KCNIP1: variants seen among roughly 807,000 people sequenced by gnomAD.
KCNIP1 encodes the protein potassium voltage-gated channel interacting protein 1.
In KCNIP1, 18 loss-of-function variants were observed where a neutral mutation model predicts 33.0. The observed-to-expected ratio is 0.55, with a 90% CI of 0.38 to 0.81. KCNIP1 has a LOEUF of 0.81. Ranked by LOEUF, KCNIP1 falls within the 30% of genes least tolerant of loss-of-function variation. KCNIP1 has a pLI of 0.00. For missense variants in KCNIP1, 238 were observed against 271.6 expected (o/e 0.88, Z 0.87); for synonymous variants, 93 against 98.3 (o/e 0.95, Z 0.32).
chr5:170,591,194 C>T, intron 1 of KCNIP1, among the ~76,000 whole-genome samples: 1 of 152,236 alleles, frequency 6.6e-6, no homozygotes, highest in East Asian at 1.9e-4. Context: ...TCCAGGCTCA[C>T]TTCCTGCTTC....
At chr5:170,400,484 T>C (rs968268406) in intron 1 of KCNIP1, among the ~76,000 whole-genome samples, 5 of 152,128 alleles carry the variant, frequency 3.3e-5, no homozygotes. Context: ...GGTCCCTCCC[T>C]CAACACCTGG....
At chr5:170,429,271 ACCCCT>A (rs1462937937) in intron 1 of KCNIP1, among the ~76,000 whole-genome samples, 1 of 151,894 alleles carries the variant, frequency 6.6e-6, no homozygotes, top group Non-Finnish European at 1.5e-5. Context: ...TCTCTGCTAA[ACCCCT>A]CACTGAGTCC....
intron 1 of KCNIP1, among the ~76,000 whole-genome samples, chr5:170,390,516 AAATATATAT>A (rs1561601413): frequency 1.3e-4 from 5 of 39,168 alleles, no homozygotes; most frequent in Non-Finnish European, 2.8e-4. Context: ...AAAAAAAAAC[AAATATATAT>A]ATATATATAT....
At chr5:170,649,365 T>G (rs1244017888) in intron 1 of KCNIP1, among the ~76,000 whole-genome samples, 2 of 152,198 alleles carry the variant, frequency 1.3e-5, no homozygotes, top group Non-Finnish European at 2.9e-5. Context: ...CCTCTCTTCT[T>G]AAGAATATTT....
intron 1 of KCNIP1, among the ~76,000 whole-genome samples, chr5:170,695,560 A>G (rs1428546287): frequency 6.6e-6 from 1 of 152,232 alleles, no homozygotes; most frequent in Non-Finnish European, 1.5e-5. Context: ...TGATTCATTC[A>G]CATTGCTGTG....
At chr5:170,684,776 C>T (rs1762482278) in intron 1 of KCNIP1, among the ~76,000 whole-genome samples, 1 of 152,106 alleles carries the variant, frequency 6.6e-6, no homozygotes, top group Non-Finnish European at 1.5e-5. Context: ...CCACAAACCT[C>T]TCTCTCTTTT....
In KCNIP1 at chr5:170,490,802, G is replaced by A. The variant is rs1302488195; in HGVS notation, c.88+136838G>A. On this transcript the variant is annotated intron_variant, in intron 1 of 7. Coordinates refer to the KCNIP1 transcript ENST00000377360. ...TCCAACCTCTCCCCAAGCTCCCTAG[G>A]CCCAGCCCCATCCCCTTCTCTCTGC... Among the ~76,000 whole-genome samples the A allele has an allele frequency of 2.0e-5, 3 of 152,048 alleles. No homozygotes were observed. The South Asian group carries it at 6.2e-4, about 32-fold the overall frequency.
At chr5:170,725,630 T>C (rs1763981344) in intron 5 of KCNIP1, among the ~76,000 whole-genome samples, 1 of 152,146 alleles carries the variant, frequency 6.6e-6, no homozygotes. Flanking sequence ...CTGTAGTCAA[T>C]AATTTAATTG....
intron 1 of KCNIP1, among the ~76,000 whole-genome samples, chr5:170,671,671 A>C (rs1479829409): frequency 6.6e-6 from 1 of 152,226 alleles, no homozygotes. Flanking sequence ...TAATCATTGT[A>C]TCCCTAGTGC....
chr5:170,359,489 G>C (rs1042184559), intron 1 of KCNIP1, among the ~76,000 whole-genome samples: 1 of 152,148 alleles, frequency 6.6e-6, no homozygotes, highest in Non-Finnish European at 1.5e-5. Context: ...CACCATCCGA[G>C]TCCTGGCTCG....
intron 1 of KCNIP1, among the ~76,000 whole-genome samples, chr5:170,598,907 G>GTGTA (rs1375527950): frequency 7.3e-6 from 1 of 137,404 alleles, no homozygotes; most frequent in African/African-American, 2.6e-5. Context: ...GTGTGCGCGT[G>GTGTA]TGTGTGTGTG....
At chr5:170,365,411 A>T (rs889479346) in intron 1 of KCNIP1, among the ~76,000 whole-genome samples, 4 of 152,204 alleles carry the variant, frequency 2.6e-5, no homozygotes, top group Non-Finnish European at 1.5e-5. Context: ...GTTAATTAAG[A>T]TAGTCATCTG....
chr5:170,411,385 C>A (rs888087925), intron 1 of KCNIP1, among the ~76,000 whole-genome samples: 1 of 152,174 alleles, frequency 6.6e-6, no homozygotes, highest in Non-Finnish European at 1.5e-5. Context: ...CTTCAAAGAC[C>A]AAGTTCTCAT....
At chr5:170,535,891 A>C (rs982380811) in intron 1 of KCNIP1, among the ~76,000 whole-genome samples, 5 of 152,238 alleles carry the variant, frequency 3.3e-5, no homozygotes, top group Non-Finnish European at 5.9e-5. Flanking sequence ...TGTCTCAGCC[A>C]GAACATCAAG....
chr5:170,593,735 C>T (rs1581373306), intron 1 of KCNIP1, among the ~76,000 whole-genome samples: 1 of 152,142 alleles, frequency 6.6e-6, no homozygotes, highest in African/African-American at 2.4e-5. Flanking sequence ...GGCTGGGGGG[C>T]CTCATCCCTG....
intron 1 of KCNIP1, among the ~76,000 whole-genome samples, chr5:170,529,104 T>C (rs1383658839): frequency 2.0e-5 from 3 of 152,182 alleles, no homozygotes; most frequent in Admixed American, 6.5e-5. Flanking sequence ...GTTCATGTAA[T>C]AAAATGGCCA....
chr5:170,626,814 T>C (rs907877077), intron 1 of KCNIP1, among the ~76,000 whole-genome samples: 3 of 152,164 alleles, frequency 2.0e-5, no homozygotes, highest in African/African-American at 4.8e-5. Context: ...TACTTCAGCA[T>C]TTAAAAACCC....
At chr5:170,538,030 T>A (rs1437788767) in intron 1 of KCNIP1, among the ~76,000 whole-genome samples, 1 of 152,204 alleles carries the variant, frequency 6.6e-6, no homozygotes, top group Non-Finnish European at 1.5e-5. Flanking sequence ...CTAATCCCTC[T>A]ACATGTGAAA....
intron 1 of KCNIP1, among the ~76,000 whole-genome samples, chr5:170,425,181 A>T (rs538002934): frequency 6.6e-6 from 1 of 152,164 alleles, no homozygotes. Context: ...TCCCACTATA[A>T]TGTAAGCTCC....
Sources: gnomAD v4.1 joint callset for allele counts (sites outside exome capture counted in the v4.1 genomes callset) on GRCh38, gnomAD v4.1.1 for gene constraint, MANE v1.5 for transcripts, NCBI Gene and HGNC (gene_info 2026-07-23, HGNC 2026-07-21) for gene names.